FRAS1: variants seen among roughly 807,000 people sequenced by gnomAD.
FRAS1 encodes the protein Fraser extracellular matrix complex subunit 1.
Under a neutral mutation model 435.2 loss-of-function variants are expected in FRAS1, and 290 were observed. That is an observed-to-expected ratio of 0.67 (90% CI 0.61 to 0.73). FRAS1 has a LOEUF of 0.73. Among genes scored for constraint, FRAS1 ranks in the 30% least tolerant of loss-of-function variants. FRAS1 has a pLI of 0.00. For missense variants in FRAS1, 4,860 were observed against 5,001.5 expected, an observed-to-expected ratio of 0.97 and a Z score of 0.85; for synonymous variants, 1,800 against 1,851.0, an observed-to-expected ratio of 0.97 and a Z score of 0.71.
intron 2 of FRAS1, among the ~76,000 whole-genome samples, chr4:78,105,025 T>G (rs1352589518): frequency 6.6e-6 from 1 of 152,210 alleles, no homozygotes; most frequent in Non-Finnish European, 1.5e-5. Context: ...TAGTTTGGTT[T>G]CCTTTCCAGG....
At chr4:78,102,717 C>T (rs1180605224) in intron 2 of FRAS1, among the ~76,000 whole-genome samples, 1 of 152,166 alleles carries the variant, frequency 6.6e-6, no homozygotes, top group Non-Finnish European at 1.5e-5. Flanking sequence ...TATCACATTA[C>T]TATGGGTTTC....
intron 2 of FRAS1, among the ~76,000 whole-genome samples, chr4:78,187,223 CGTGATGTTTTAGAAGAGGCACCCATGGA>C (rs2110059073): frequency 6.6e-6 from 1 of 152,188 alleles, no homozygotes; most frequent in South Asian, 2.1e-4. Context: ...TTTAATCAAG[CGTGATGTTTTAGAAGAGGCACCCATGGA>C]GTGATGAAAG....
chr4:78,249,048 G>GATATATATATATATATGCAT (rs1268017507), intron 4 of FRAS1, among the ~76,000 whole-genome samples: 27 of 27,530 alleles, frequency 9.8e-4, no homozygotes, highest in South Asian at 4.4e-3. Context: ...AAGAACTACT[G>GATATATATATATATATGCAT]ATATATATAT....
At chr4:78,378,846 C>A (rs1731890737) in intron 26 of FRAS1, among the ~76,000 whole-genome samples, 1 of 151,944 alleles carries the variant, frequency 6.6e-6, no homozygotes, top group Non-Finnish European at 1.5e-5. Context: ...TCATGGGTGT[C>A]CTTTGAATAT....
chr4:78,521,484 T>C (rs1721384211), intron 67 of FRAS1, 39 bp from the exon 68 acceptor site: 1 of 1,489,102 alleles, frequency 6.7e-7, no homozygotes, highest in African/African-American at 1.4e-5. Context: ...GGGAGGAATT[T>C]TCCATGCCCT....
chr4:78,193,955 A>G (rs1435967344), intron 2 of FRAS1, among the ~76,000 whole-genome samples: 2 of 152,144 alleles, frequency 1.3e-5, no homozygotes, highest in Non-Finnish European at 2.9e-5. Flanking sequence ...GAGCTCCTTT[A>G]GGGCAGGCCT....
intron 69 of FRAS1, 54 bp from the exon 70 acceptor site, chr4:78,526,487 C>A: frequency 8.2e-7 from 1 of 1,212,444 alleles, no homozygotes; most frequent in Non-Finnish European, 1.2e-6. Flanking sequence ...TCTGGGTAAG[C>A]CAGCAACCTA....
At chr4:78,323,956 TG>T (rs1162990066) in intron 18 of FRAS1, among the ~76,000 whole-genome samples, 1 of 152,010 alleles carries the variant, frequency 6.6e-6, no homozygotes, top group Non-Finnish European at 1.5e-5. Flanking sequence ...TTCAGTCGGG[TG>T]GGGGTGAGGT....
intron 2 of FRAS1, among the ~76,000 whole-genome samples, chr4:78,197,375 GTAAATGACTGGCATACAA>G (rs1392367233): frequency 2.0e-5 from 3 of 152,174 alleles, no homozygotes; most frequent in Middle Eastern, 3.2e-3. Flanking sequence ...GTTTATTCAT[GTAAATGACTGGCATACAA>G]TAAGATGTCA....
chr4:78,501,030 A>C (rs1199252915), intron 61 of FRAS1, among the ~76,000 whole-genome samples: 1 of 152,140 alleles, frequency 6.6e-6, no homozygotes, highest in African/African-American at 2.4e-5. Flanking sequence ...GGTTTGTTAC[A>C]TAGGTATGCA....
rs1743129949 is a variant in FRAS1 at position 78,115,844 on chromosome 4, ATCT to A, written c.108+49830_108+49832del. ...GTCTATTTCCTTCAGTTCTTCTCTG[ATCT>A]TAGTTATTTTTTGCCTTCTGCTAGC... On this transcript the variant is annotated intron_variant, in intron 2 of 73. Transcript: ENST00000512123. Among the ~76,000 whole-genome samples, 4 of 150,224 alleles carry A rather than the reference ATCT, an allele frequency of 2.7e-5. No homozygotes were observed. In the South Asian group the frequency reaches 8.5e-4, roughly 32 times the overall value.
At chr4:78,477,705 T>A in intron 54 of FRAS1, 110 bp from the exon 55 acceptor site, 1 of 1,353,336 alleles carries the variant, frequency 7.4e-7, no homozygotes, top group Non-Finnish European at 1.0e-6. Context: ...GCTATTTCAG[T>A]CAGTGCTCTG....
At chr4:78,394,381 A>AT (rs1190412649) in intron 29 of FRAS1, among the ~76,000 whole-genome samples, 7 of 151,930 alleles carry the variant, frequency 4.6e-5, no homozygotes, top group Admixed American at 3.3e-4. Flanking sequence ...TTTTGAGTTG[A>AT]TTTTTGTGTA....
At chr4:78,142,419 A>G (rs1720232930) in intron 2 of FRAS1, among the ~76,000 whole-genome samples, 1 of 151,932 alleles carries the variant, frequency 6.6e-6, no homozygotes, top group Non-Finnish European at 1.5e-5. Context: ...CATTTAAAAT[A>G]TTCTGTACTC....
chr4:78,061,539 T>C (rs1481805889), intron 1 of FRAS1, among the ~76,000 whole-genome samples: 1 of 152,206 alleles, frequency 6.6e-6, no homozygotes, highest in Non-Finnish European at 1.5e-5. Context: ...GTTTTTCCTA[T>C]AAATGCTATT....
intron 65 of FRAS1, among the ~76,000 whole-genome samples, chr4:78,515,313 G>A (rs939846277): frequency 7.1e-6 from 1 of 139,894 alleles, no homozygotes; most frequent in East Asian, 2.1e-4. Flanking sequence ...GTCAAATGTA[G>A]GTATGCTGGC....
intron 31 of FRAS1, among the ~76,000 whole-genome samples, chr4:78,409,241 G>A (rs867185214): frequency 2.0e-5 from 3 of 151,484 alleles, no homozygotes; most frequent in Middle Eastern, 3.4e-3. Flanking sequence ...AAAAATTCAG[G>A]CCACTTGGAA....
intron 58 of FRAS1, among the ~76,000 whole-genome samples, chr4:78,487,758 T>C (rs1455386810): frequency 3.3e-5 from 5 of 152,202 alleles, no homozygotes; most frequent in African/African-American, 4.8e-5. Context: ...TATTATCTCA[T>C]TAAATTCAAT....
At chr4:78,311,240 C>T (rs1361625692) in intron 15 of FRAS1, among the ~76,000 whole-genome samples, 67 of 151,874 alleles carry the variant, frequency 4.4e-4, no homozygotes, top group Admixed American at 4.3e-3. Flanking sequence ...ACCCATGCAA[C>T]CATTTTTTAA....
Sources: allele counts gnomAD v4.1 joint callset (sites outside exome capture counted in the v4.1 genomes callset), GRCh38; gene constraint gnomAD v4.1.1; transcripts MANE v1.5; gene names NCBI Gene and HGNC (gene_info 2026-07-23, HGNC 2026-07-21).